KCNAB1: variants seen among roughly 807,000 people sequenced by gnomAD.
KCNAB1 encodes the protein potassium voltage-gated channel subfamily A regulatory beta subunit 1, also known as voltage-gated potassium channel subunit beta-1.
A neutral mutation model predicts 64.6 loss-of-function variants in KCNAB1; 35 were observed. That is an observed-to-expected ratio of 0.54 (90% confidence interval 0.41 to 0.72). The LOEUF is 0.72. KCNAB1 is among the 30% of genes least tolerant of loss of function. The probability of loss-of-function intolerance (pLI) is 0.00; values close to 1 mark genes in which losing one functional copy is unlikely to be tolerated. For missense variants in KCNAB1, 401 were observed against 512.9 expected (o/e 0.78, Z 2.11); for synonymous variants, 177 against 183.8 (o/e 0.96, Z 0.30).
intron 1 of KCNAB1, among the ~76,000 whole-genome samples, chr3:156,268,191 A>G (rs1718830536): frequency 6.6e-6 from 1 of 152,132 alleles, no homozygotes; most frequent in African/African-American, 2.4e-5. Context: ...CCTTGTTGCA[A>G]ATGATAGAAT....
At chr3:156,421,746 A>T in intron 2 of KCNAB1, 87 bp downstream of exon 2, 3 of 1,183,804 alleles carry the variant, frequency 2.5e-6, no homozygotes, top group South Asian at 1.3e-5. Context: ...CTAGGCCAGG[A>T]CCTGGTCTCA....
intron 1 of KCNAB1, among the ~76,000 whole-genome samples, chr3:156,408,092 G>A (rs1714377025): frequency 6.6e-6 from 1 of 151,916 alleles, no homozygotes; most frequent in Non-Finnish European, 1.5e-5. Flanking sequence ...CACGGAAGAA[G>A]CAGGGAGGCG....
intron 6 of KCNAB1, among the ~76,000 whole-genome samples, chr3:156,464,956 T>C (rs1470690856): frequency 6.6e-6 from 1 of 152,106 alleles, no homozygotes; most frequent in African/African-American, 2.4e-5. Flanking sequence ...GAATACCAAA[T>C]AAGAATACAT....
intron 1 of KCNAB1, among the ~76,000 whole-genome samples, chr3:156,160,190 C>A (rs1350456908): frequency 6.6e-6 from 1 of 152,064 alleles, no homozygotes; most frequent in African/African-American, 2.4e-5. Flanking sequence ...AGCTAGGGAA[C>A]CAAGGCGATA....
At chr3:156,384,908 G>A (rs1712467353) in intron 1 of KCNAB1, among the ~76,000 whole-genome samples, 1 of 152,004 alleles carries the variant, frequency 6.6e-6, no homozygotes, top group Non-Finnish European at 1.5e-5. Flanking sequence ...TGGGAAGGAG[G>A]GTAAAGGCAA....
rs142193588 is a variant in KCNAB1, at chr3:156,476,316, G to C, written c.658+1496G>C. 7.3e-3 allele frequency among the ~76,000 whole-genome samples: 1,110 copies of C among 152,028 alleles called. 9 individuals are homozygous for C. The highest frequency in any genetic ancestry group is 0.019 in the South Asian group (90 of 4,812). On this transcript the variant is annotated intron_variant, in intron 8 of 13. Coordinates refer to ENST00000490337, the MANE Select transcript of KCNAB1 (RefSeq NM_172160.3). ...ACTCCTCTCCCACTCTTCCCCCCAA[G>C]TCCCCAAAGTCCACTGTAGCATGCT...
At chr3:156,340,867 A>G (rs764048727) in intron 1 of KCNAB1, among the ~76,000 whole-genome samples, 1 of 152,244 alleles carries the variant, frequency 6.6e-6, no homozygotes, top group Non-Finnish European at 1.5e-5. Context: ...CTCCCAAAAT[A>G]TAATGGCAGG....
At chr3:156,232,397 AG>A (rs1716586160) in intron 1 of KCNAB1, among the ~76,000 whole-genome samples, 1 of 152,254 alleles carries the variant, frequency 6.6e-6, no homozygotes, top group Admixed American at 6.5e-5. Flanking sequence ...TGGATTTCAA[AG>A]TCCAGGGAGC....
chr3:156,183,790 T>C (rs1713019071), intron 1 of KCNAB1, among the ~76,000 whole-genome samples: 1 of 152,226 alleles, frequency 6.6e-6, no homozygotes, highest in Non-Finnish European at 1.5e-5. Flanking sequence ...AGCATAATTA[T>C]ACATGCCATC....
intron 1 of KCNAB1, among the ~76,000 whole-genome samples, chr3:156,148,157 A>G (rs773852489): frequency 1.3e-5 from 2 of 152,002 alleles, no homozygotes; most frequent in Non-Finnish European, 2.9e-5. Flanking sequence ...TAGTTTTCCT[A>G]CCTGGAATAT....
intron 1 of KCNAB1, among the ~76,000 whole-genome samples, chr3:156,248,916 A>T (rs988509542): frequency 2.6e-5 from 4 of 152,120 alleles, no homozygotes; most frequent in Non-Finnish European, 5.9e-5. Context: ...CTGGACTAGG[A>T]GTCCATGTGC....
intron 1 of KCNAB1, among the ~76,000 whole-genome samples, chr3:156,267,538 T>A (rs1460569809): frequency 2.0e-5 from 3 of 152,198 alleles, no homozygotes; most frequent in African/African-American, 7.2e-5. Context: ...TCCAAGATGA[T>A]TTATGTACAT....
chr3:156,400,746 C>T (rs1713830378), intron 1 of KCNAB1, among the ~76,000 whole-genome samples: 1 of 152,112 alleles, frequency 6.6e-6, no homozygotes, highest in Non-Finnish European at 1.5e-5. Context: ...GACGTTGTCC[C>T]CACTTTTTCA....
intron 1 of KCNAB1, among the ~76,000 whole-genome samples, chr3:156,182,973 C>T (rs1465581560): frequency 2.0e-5 from 3 of 152,170 alleles, no homozygotes; most frequent in African/African-American, 7.2e-5. Flanking sequence ...GCTGGGATTA[C>T]AGGAGAGAGC....
At chr3:156,142,656 AAG>A (rs1463471784) in intron 1 of KCNAB1, among the ~76,000 whole-genome samples, 1 of 152,236 alleles carries the variant, frequency 6.6e-6, no homozygotes, top group African/African-American at 2.4e-5. Context: ...CAACATCTGA[AAG>A]AGGTTAATGG....
chr3:156,208,431 C>T lies in KCNAB1; in HGVS notation c.275+87545C>T, dbSNP rs374454673. ...TGTAGCAGTGTGGAGTTAAAAATAA[C>T]GACATCTTGTGAGACTAGGAAGGAG... On this transcript the variant is annotated intron_variant, in intron 1 of 13. Coordinates refer to ENST00000490337, the MANE Select transcript of KCNAB1 (RefSeq NM_172160.3). 1.9e-4 allele frequency among the ~76,000 whole-genome samples: 29 copies of T among 152,206 alleles called. No homozygotes were observed. The East Asian group carries it at 5.0e-3, about 26-fold the overall frequency.
intron 1 of KCNAB1, among the ~76,000 whole-genome samples, chr3:156,138,307 C>T (rs573106491): frequency 7.2e-5 from 11 of 152,226 alleles, no homozygotes; most frequent in Admixed American, 2.0e-4. Context: ...GATGAAGTTC[C>T]GGTAAATAAT....
At chr3:156,244,527 A>AC (rs578216902) in intron 1 of KCNAB1, among the ~76,000 whole-genome samples, 139 of 152,338 alleles carry the variant, frequency 9.1e-4, no homozygotes, top group African/African-American at 3.2e-3. Context: ...TCTGACTGCC[A>AC]CAGTAGGTAA....
intron 8 of KCNAB1, among the ~76,000 whole-genome samples, chr3:156,491,890 C>T (rs1451782371): frequency 6.6e-6 from 1 of 152,078 alleles, no homozygotes; most frequent in African/African-American, 2.4e-5. Context: ...AGATAGAGAA[C>T]TCTAAGTGTC....
Sources: gnomAD v4.1 joint callset for allele counts (sites outside exome capture counted in the v4.1 genomes callset) on GRCh38, gnomAD v4.1.1 for gene constraint, MANE v1.5 for transcripts, NCBI Gene and HGNC (gene_info 2026-07-23, HGNC 2026-07-21) for gene names.